Variants in ZNF841 observed in about 807,000 individuals in gnomAD.
ZNF841 encodes the protein zinc finger protein 841, also known as TCONS_00006091.
A neutral mutation model predicts 13.0 loss-of-function variants in ZNF841; 11 were observed. The observed-to-expected ratio is 0.85, with a 90% CI of 0.53 to 1.40. The LOEUF (loss-of-function observed/expected upper bound fraction) is 1.40. Ranked by LOEUF, ZNF841 falls within the 40% of genes most tolerant of loss-of-function variation. The pLI is 0.00. For synonymous variants in ZNF841, 369 were observed against 381.6 expected (o/e 0.97, Z 0.38); for missense variants, 1,068 against 1,139.5 (o/e 0.94, Z 0.90).
chr19:52,081,224 C>T (rs1334631085), intron 4 of ZNF841, among the ~76,000 whole-genome samples: 1 of 152,100 alleles, frequency 6.6e-6, no homozygotes, highest in Non-Finnish European at 1.5e-5. Flanking sequence ...ATAGCTAATA[C>T]AATGTAAATG....
At chr19:52,073,377 C>T (rs1286422175) in intron 6 of ZNF841, among the ~76,000 whole-genome samples, 1 of 151,796 alleles carries the variant, frequency 6.6e-6, no homozygotes, top group Non-Finnish European at 1.5e-5. Flanking sequence ...CAGCTCAATG[C>T]AACCTCTGCC....
Position 52,095,737 on chromosome 19 carries a change from T to G in ZNF841, c.-432A>C, listed in dbSNP as rs369066940. ...GAAACACACTCATAGCGACGTGGCC[T>G]TTCCCCAGCGCGATCTGCTTCCGGG... On this transcript the variant is annotated 5_prime_UTR_variant, in exon 1 of 7. Coordinates refer to ENST00000594440, the MANE Select transcript of ZNF841 (RefSeq NM_001136499.2). 1 of 152,254 alleles carries G rather than the reference T, an allele frequency of 6.6e-6. No individual in the cohort carries two copies. Among genetic ancestry groups the G allele is most frequent in the East Asian group, 1.9e-4 (1 of 5,178 alleles). 9.4% of individuals were successfully genotyped at this position (152,254 alleles called of 1,614,324 possible).
At chr19:52,064,381 A>AAAC (rs1568532520), downstream of ZNF841, 114 of 136,036 alleles carry the variant, frequency 8.4e-4, 11 homozygotes, top group African/African-American at 3.8e-3. Flanking sequence ...AAAAAAAAAA[A>AAAC]AAAAAAAACT....
chr19:52,065,472 C>G lies in ZNF841; in HGVS notation c.2410G>C (p.Val804Leu). 2.5e-6 allele frequency: 4 copies of G among 1,613,948 alleles called. No individual in the cohort carries two copies. The highest frequency in any genetic ancestry group is 3.4e-6 in the Non-Finnish European group (4 of 1,179,990). The change falls in exon 7 of 7, where the codon GTA (valine) becomes CTA (leucine). Residue 804 changes from valine (V) to leucine (L), a missense_variant. Coordinates refer to ENST00000594440, the MANE Select transcript of ZNF841 (RefSeq NM_001136499.2). The part of the protein sequence containing the change: ...KCNECGKAFR[V>L]RSILLNHQMM... Reference sequence around the variant, plus strand: ...TGATGATTAAGCAGAATTGAACGTACTCTAAAGGCTTTGCCACACTCATTA... The same window carrying G: ...TGATGATTAAGCAGAATTGAACGTAGTCTAAAGGCTTTGCCACACTCATTA...
At chr19:52,083,279 G>T (rs964347618) in intron 4 of ZNF841, among the ~76,000 whole-genome samples, 4 of 151,922 alleles carry the variant, frequency 2.6e-5, no homozygotes, top group African/African-American at 9.7e-5. Flanking sequence ...AAAGGAACCT[G>T]GGTTCCTCTG....
intron 5 of ZNF841, chr19:52,076,458 T>G: frequency 3.1e-6 from 1 of 324,286 alleles, no homozygotes; most frequent in Non-Finnish European, 5.9e-6. Context: ...AGCACAGGAG[T>G]TCAAGATCAG....
At chr19:52,076,894 C>T in intron 5 of ZNF841, 64 bp downstream of exon 5, 4 of 1,587,056 alleles carry the variant, frequency 2.5e-6, no homozygotes, top group Non-Finnish European at 3.4e-6. Flanking sequence ...ACAAGAAACA[C>T]AATAAGGAAA....
chr19:52,063,473 C>T (rs1390380552), downstream of ZNF841, among the ~76,000 whole-genome samples: 1 of 152,108 alleles, frequency 6.6e-6, no homozygotes, highest in Non-Finnish European at 1.5e-5. Flanking sequence ...CCTCAGCCTC[C>T]CAAGTAGCGG....
Position 52,076,087 on chromosome 19 carries a change from C to T in ZNF841, c.228G>A (p.Ala76=), listed in dbSNP as rs751182294. 10 of 1,553,708 alleles carry T rather than the reference C, an allele frequency of 6.4e-6. No individual in the cohort carries two copies. Among genetic ancestry groups the T allele is most frequent in the Middle Eastern group, 3.3e-4 (2 of 6,016 alleles). ...PWTVVSQVKI[A]RNPNCGECMK... ...TGCATTCCCCACAGTTTGGGTTCCT[C>T]GCTATTTTCACTTGGCTCACCACAG... The change falls in exon 6 of 7, where the codon GCG becomes GCA. Residue 76 remains alanine, a synonymous_variant. Coordinates refer to ENST00000594440, the MANE Select transcript of ZNF841 (RefSeq NM_001136499.2).
At chr19:52,079,847 C>T (rs1568543792) in intron 4 of ZNF841, among the ~76,000 whole-genome samples, 1 of 151,828 alleles carries the variant, frequency 6.6e-6, no homozygotes, top group African/African-American at 2.4e-5. Context: ...CAAAATTAGC[C>T]GAGCATGGTG....
intron 4 of ZNF841, among the ~76,000 whole-genome samples, chr19:52,081,812 C>T (rs901231700): frequency 2.0e-5 from 3 of 152,076 alleles, no homozygotes; most frequent in African/African-American, 7.2e-5. Flanking sequence ...CAAGATCGTG[C>T]CACTGCACTC....
At chr19:52,071,171 G>A (rs1354359424) in intron 6 of ZNF841, among the ~76,000 whole-genome samples, 2 of 151,942 alleles carry the variant, frequency 1.3e-5, no homozygotes, top group African/African-American at 2.4e-5. Flanking sequence ...AAAAGGAGGC[G>A]GTGTGATGAT....
At chr19:52,088,608 A>C (rs1486254634) in intron 3 of ZNF841, among the ~76,000 whole-genome samples, 1 of 152,218 alleles carries the variant, frequency 6.6e-6, no homozygotes, top group Non-Finnish European at 1.5e-5. Flanking sequence ...TCATAACTGC[A>C]TTAATGAACT....
At chr19:52,068,632 C>A (rs1035020991) in intron 6 of ZNF841, among the ~76,000 whole-genome samples, 2 of 149,826 alleles carry the variant, frequency 1.3e-5, no homozygotes, top group Non-Finnish European at 3.0e-5. Flanking sequence ...GCCAAGATTT[C>A]GCCACTGCAC....
At chr19:52,068,834 T>G (rs2087662256) in intron 6 of ZNF841, among the ~76,000 whole-genome samples, 1 of 151,928 alleles carries the variant, frequency 6.6e-6, no homozygotes. Context: ...TAGCCAAGCG[T>G]GGTGATGCAT....
intron 2 of ZNF841, among the ~76,000 whole-genome samples, chr19:52,089,280 A>T (rs2088392425): frequency 6.6e-6 from 1 of 152,110 alleles, no homozygotes; most frequent in Non-Finnish European, 1.5e-5. Flanking sequence ...TGGCTTAAAA[A>T]ATGTCAAGAT....
chr19:52,090,939 C>G (rs2123385282), intron 2 of ZNF841, among the ~76,000 whole-genome samples: 1 of 152,256 alleles, frequency 6.6e-6, no homozygotes, highest in South Asian at 2.1e-4. Context: ...GGCTACTGTT[C>G]AGAGAATGCA....
intron 2 of ZNF841, among the ~76,000 whole-genome samples, chr19:52,093,152 A>G (rs1417177683): frequency 6.6e-6 from 1 of 152,154 alleles, no homozygotes. Flanking sequence ...TCTGTCCCCC[A>G]TGATCACTAC....
chr19:52,065,584 T>C lies in ZNF841; in HGVS notation c.2298A>G (p.Lys766=). 1 of 1,613,616 alleles carries C rather than the reference T, an allele frequency of 6.2e-7. No individual in the cohort carries two copies. Among genetic ancestry groups the C allele is most frequent in the Non-Finnish European group, 8.5e-7 (1 of 1,179,798 alleles). Residue 766 remains lysine (K), a synonymous_variant, in exon 7 of 7, where the codon AAA becomes AAG. Transcript: ENST00000594440. Reference sequence around the variant, plus strand: ...GGAAGACCTTGCCACATTCATTACATTTGTAAGGTTTCTCTCCAGTATGAA... The same window carrying C: ...GGAAGACCTTGCCACATTCATTACACTTGTAAGGTTTCTCTCCAGTATGAA... ...RRIHTGEKPY[K]CNECGKVFRY... is the part of the protein sequence containing the mutation.
Sources: gnomAD v4.1 joint callset for allele counts (sites outside exome capture counted in the v4.1 genomes callset) on GRCh38, gnomAD v4.1.1 for gene constraint, MANE v1.5 for transcripts, NCBI Gene and HGNC (gene_info 2026-07-23, HGNC 2026-07-21) for gene names.